Variants in PTCHD4 observed in about 807,000 individuals in gnomAD.
The protein encoded by PTCHD4 is patched domain-containing protein 4.
A neutral mutation model predicts 58.1 loss-of-function variants in PTCHD4; 33 were observed. The ratio of observed to expected loss-of-function variants is 0.57; its 90% CI spans 0.43 to 0.76. The LOEUF is 0.76. Ranked by LOEUF, PTCHD4 falls within the 30% of genes least tolerant of loss-of-function variation. The probability of loss-of-function intolerance (pLI) is 0.00; values close to 1 mark genes in which losing one functional copy is unlikely to be tolerated. For missense variants in PTCHD4, 1,058 were observed against 1,027.1 expected (o/e 1.03, Z -0.41); for synonymous variants, 478 against 409.6 (o/e 1.17, Z -2.02).
intron 3 of PTCHD4, among the ~76,000 whole-genome samples, chr6:48,009,985 A>G (rs1762608275): frequency 6.6e-6 from 1 of 152,220 alleles, no homozygotes; most frequent in Admixed American, 6.5e-5. Flanking sequence ...AGTTACTAAA[A>G]CAGGTTGAGA....
At chr6:47,884,009 C>T (rs1764103570) in intron 4 of PTCHD4, among the ~76,000 whole-genome samples, 1 of 152,206 alleles carries the variant, frequency 6.6e-6, no homozygotes, top group East Asian at 1.9e-4. Context: ...ATTCCAGAAT[C>T]CCGTAACACA....
chr6:47,977,766 T>C (rs1234980247), intron 4 of PTCHD4, among the ~76,000 whole-genome samples: 9 of 152,254 alleles, frequency 5.9e-5, no homozygotes. Flanking sequence ...TTTTCAACTT[T>C]GTTTTATTCC....
chr6:47,970,271 C>A (rs1767457524), intron 4 of PTCHD4, among the ~76,000 whole-genome samples: 1 of 151,980 alleles, frequency 6.6e-6, no homozygotes, highest in Non-Finnish European at 1.5e-5. Flanking sequence ...ATATAAACGT[C>A]ATTAAAAAGA....
chr6:47,937,784 G>C (rs957346206), intron 4 of PTCHD4, among the ~76,000 whole-genome samples: 1 of 152,148 alleles, frequency 6.6e-6, no homozygotes, highest in Non-Finnish European at 1.5e-5. Context: ...AAGAAGAGAG[G>C]GGACCTGCAA....
At chr6:47,902,015 T>A in intron 4 of PTCHD4, 1 of 879,968 alleles carries the variant, frequency 1.1e-6, no homozygotes, top group Non-Finnish European at 1.6e-6. Flanking sequence ...CTTAGTATAG[T>A]AAAAACACTG....
intron 4 of PTCHD4, among the ~76,000 whole-genome samples, chr6:47,907,733 C>T (rs79672885): frequency 0.013 from 2,017 of 152,222 alleles, 45 homozygotes; most frequent in African/African-American, 0.046. Flanking sequence ...AAAAACCATG[C>T]CTACCTCTGT....
chr6:48,029,327 T>C (rs1197504423), intron 3 of PTCHD4, among the ~76,000 whole-genome samples: 1 of 152,052 alleles, frequency 6.6e-6, no homozygotes, highest in Non-Finnish European at 1.5e-5. Context: ...TACAGTACTA[T>C]GAAAGACAAA....
At chr6:48,104,837 G>C (rs1057346644) in intron 1 of PTCHD4, among the ~76,000 whole-genome samples, 5 of 152,106 alleles carry the variant, frequency 3.3e-5, no homozygotes, top group African/African-American at 1.2e-4. Context: ...AACCAACAAA[G>C]ATCAAAAGAG....
At chr6:48,090,958 G>C (rs905195577) in intron 1 of PTCHD4, among the ~76,000 whole-genome samples, 1 of 152,134 alleles carries the variant, frequency 6.6e-6, no homozygotes, top group African/African-American at 2.4e-5. Context: ...TTACAAACAA[G>C]TGTGAACCTG....
rs34861383 is a variant in PTCHD4, at chr6:48,085,057, T to TAA, written c.-969-15133_-969-15132dup. On this transcript the variant is annotated intron_variant, in intron 1 of 4. Coordinates refer to ENST00000339488, the MANE Select transcript of PTCHD4 (RefSeq NM_001384253.1). ...CCCAACCAGCAAGAGTACTTCTCATTAAAAAAAAAAAAAATTAGTCTGGGC... is the reference window on the plus strand; with the variant it reads ...CCCAACCAGCAAGAGTACTTCTCATTAAAAAAAAAAAAAAAATTAGTCTGGGC... Among the ~76,000 whole-genome samples the TAA allele has an allele frequency of 9.9e-4, 144 of 144,888 alleles. 1 individual carries two copies. In the South Asian group the frequency reaches 0.018, roughly 18 times the overall value.
rs868489133 is a variant in PTCHD4, at chr6:48,008,651, ATT to A, written c.879_880del (p.Ile294ProfsTer10). 3 of 1,613,044 alleles carry A rather than the reference ATT, an allele frequency of 1.9e-6. No homozygotes were observed. The African/African-American group carries it at 4.0e-5, about 22-fold the overall frequency. On this transcript the variant is annotated frameshift_variant, in exon 4 of 5. Coordinates refer to ENST00000339488, the MANE Select transcript of PTCHD4 (RefSeq NM_001384253.1). LOFTEE classifies it high-confidence loss of function. Reference sequence around the variant, plus strand: ...ATAGTTACCCATGGCGAAGAACGGGATTCCCAGCAGGGTGGAGTTGTACTTTC... The same window carrying A: ...ATAGTTACCCATGGCGAAGAACGGGACCCAGCAGGGTGGAGTTGTACTTTC...
chr6:48,007,964 G>A (rs77454257), intron 4 of PTCHD4, among the ~76,000 whole-genome samples: 6,694 of 144,618 alleles, frequency 0.046, 183 homozygotes, highest in African/African-American at 0.055. Flanking sequence ...ACACACACAC[G>A]CACCACCTAC....
chr6:48,032,170 GA>G (rs202066907), intron 3 of PTCHD4, among the ~76,000 whole-genome samples: 12 of 149,348 alleles, frequency 8.0e-5, no homozygotes, highest in Non-Finnish European at 1.2e-4. Flanking sequence ...AAGTGTGTAT[GA>G]AAAAAAAACA....
chr6:48,099,048 G>T (rs1296763957), intron 1 of PTCHD4, among the ~76,000 whole-genome samples: 1 of 151,992 alleles, frequency 6.6e-6, no homozygotes, highest in East Asian at 1.9e-4. Context: ...AGCTATTTTT[G>T]TCTGGAATTG....
At chr6:48,078,231 C>G (rs1301584337) in intron 1 of PTCHD4, among the ~76,000 whole-genome samples, 1 of 152,176 alleles carries the variant, frequency 6.6e-6, no homozygotes, top group Non-Finnish European at 1.5e-5. Context: ...CTCTGATTCC[C>G]TACTCAAGTC....
intron 4 of PTCHD4, among the ~76,000 whole-genome samples, chr6:47,886,244 G>A (rs116491654): frequency 0.014 from 2,065 of 151,398 alleles, 23 homozygotes; most frequent in South Asian, 0.026. Context: ...TACTTTTAAC[G>A]AGGATGAAAT....
At chr6:47,902,641 T>A (rs2114149940) in intron 4 of PTCHD4, among the ~76,000 whole-genome samples, 1 of 152,354 alleles carries the variant, frequency 6.6e-6, no homozygotes, top group Middle Eastern at 3.4e-3. Flanking sequence ...GCAACCAATT[T>A]TAAAAATTTC....
intron 3 of PTCHD4, among the ~76,000 whole-genome samples, chr6:48,046,071 A>G (rs1764026848): frequency 6.6e-6 from 1 of 151,888 alleles, no homozygotes; most frequent in Non-Finnish European, 1.5e-5. Context: ...TGAAAAAGGA[A>G]AATTGGAGAG....
chr6:47,879,355 T>C lies in PTCHD4; in HGVS notation c.1480A>G (p.Ser494Gly), dbSNP rs758095339. The C allele has an allele frequency of 6.2e-7, 1 of 1,613,360 alleles. No homozygotes were observed. Among genetic ancestry groups the C allele is most frequent in the Non-Finnish European group, 8.5e-7 (1 of 1,179,694 alleles). Residue 494 changes from serine (S) to glycine (G), a missense_variant, in exon 5 of 5, where the codon AGT becomes GGT. Transcript: ENST00000339488. Reference sequence around the variant, plus strand: ...GCATAGGAAACACTTGGCGAATCACTGGCTAGTAGATTGATGATGTTGGCT... The same window carrying C: ...GCATAGGAAACACTTGGCGAATCACCGGCTAGTAGATTGATGATGTTGGCT... ...DGANIINLLA[S>G]DSPSVSYAMV...
Sources: allele counts gnomAD v4.1 joint callset (sites outside exome capture counted in the v4.1 genomes callset), GRCh38; gene constraint gnomAD v4.1.1; transcripts MANE v1.5; gene names NCBI Gene and HGNC (gene_info 2026-07-23, HGNC 2026-07-21).